AGFG1: variants seen among roughly 807,000 people sequenced by gnomAD.
AGFG1 encodes ArfGAP with FG repeats 1, also known as arf-GAP domain and FG repeat-containing protein 1.
In AGFG1, 10 loss-of-function variants were observed where a neutral mutation model predicts 60.6. That is an observed-to-expected ratio of 0.16 (90% CI 0.10 to 0.28). The LOEUF (loss-of-function observed/expected upper bound fraction) is 0.28, where lower values mean the gene tolerates loss of function less well. Among genes scored for constraint, AGFG1 ranks in the 10% least tolerant of loss-of-function variants. The probability of loss-of-function intolerance (pLI) is 1.00; values close to 1 mark genes in which losing one functional copy is unlikely to be tolerated. For synonymous variants in AGFG1, 247 were observed against 242.9 expected (o/e 1.02, Z -0.16); for missense variants, 537 against 676.5 (o/e 0.79, Z 2.29).
At chr2:227,539,065 C>T (rs546822965) in intron 10 of AGFG1, among the ~76,000 whole-genome samples, 6 of 152,270 alleles carry the variant, frequency 3.9e-5, no homozygotes, top group South Asian at 4.1e-4. Flanking sequence ...AACAATACTT[C>T]GACAGATGCA....
intron 10 of AGFG1, among the ~76,000 whole-genome samples, chr2:227,538,478 A>G (rs1692378549): frequency 6.6e-6 from 1 of 152,240 alleles, no homozygotes; most frequent in Non-Finnish European, 1.5e-5. Flanking sequence ...ATTTATAGAT[A>G]TTATAACTTC....
chr2:227,516,522 C>G (rs1047245420), intron 2 of AGFG1, among the ~76,000 whole-genome samples: 2 of 152,196 alleles, frequency 1.3e-5, no homozygotes, highest in Non-Finnish European at 2.9e-5. Flanking sequence ...GTAGAGGACT[C>G]AAGCAGCTAT....
chr2:227,526,858 T>C (rs1489069611), intron 5 of AGFG1, among the ~76,000 whole-genome samples: 11 of 152,186 alleles, frequency 7.2e-5, no homozygotes, highest in African/African-American at 1.2e-4. Flanking sequence ...AGATACTTTT[T>C]TGATAGAACT....
intron 1 of AGFG1, among the ~76,000 whole-genome samples, chr2:227,475,617 T>C (rs922843197): frequency 3.9e-5 from 6 of 152,202 alleles, no homozygotes; most frequent in African/African-American, 1.4e-4. Flanking sequence ...ATTGAAAGAA[T>C]ATGAATTTTG....
chr2:227,487,010 G>A (rs757012346), intron 1 of AGFG1, among the ~76,000 whole-genome samples: 52 of 152,188 alleles, frequency 3.4e-4, no homozygotes, highest in Non-Finnish European at 6.2e-4. Flanking sequence ...AAGAAGCCTT[G>A]ATTTAGAGAA....
intron 3 of AGFG1, among the ~76,000 whole-genome samples, chr2:227,520,989 C>T (rs1158274959): frequency 1.3e-5 from 2 of 152,216 alleles, no homozygotes; most frequent in Non-Finnish European, 1.5e-5. Context: ...TCTTTACCTT[C>T]ATTCAGGAGC....
At position 227,556,402 on chromosome 2, in the gene AGFG1, A is replaced by G. The variant is rs1415086405; in HGVS notation, c.*1907A>G. On this transcript the variant is annotated 3_prime_UTR_variant, in exon 13 of 13. Coordinates refer to ENST00000310078, the MANE Select transcript of AGFG1 (RefSeq NM_004504.5). ...CTGGGAAATCTCTGCCCCTTTTCTGAGCAGTATGCCTCTTCTTTTAGAATT... is the reference window on the plus strand; with the variant it reads ...CTGGGAAATCTCTGCCCCTTTTCTGGGCAGTATGCCTCTTCTTTTAGAATT... 1 of 152,628 alleles carries G rather than the reference A, an allele frequency of 6.6e-6. No homozygotes were observed. The highest frequency in any genetic ancestry group is 1.5e-5 in the Non-Finnish European group (1 of 68,046). 9.5% of individuals were successfully genotyped at this position (152,628 alleles called of 1,614,324 possible).
At chr2:227,521,706 A>C (rs1259573983) in intron 3 of AGFG1, among the ~76,000 whole-genome samples, 2 of 152,210 alleles carry the variant, frequency 1.3e-5, no homozygotes, top group African/African-American at 2.4e-5. Context: ...GGATTAGTTT[A>C]TGGTCAGCTC....
At chr2:227,511,384 T>A (rs1167137390) in intron 2 of AGFG1, among the ~76,000 whole-genome samples, 1 of 152,182 alleles carries the variant, frequency 6.6e-6, no homozygotes, top group Non-Finnish European at 1.5e-5. Context: ...TTTTAGGCTT[T>A]ATGGGTGCCA....
At chr2:227,475,182 A>C (rs1418560407) in intron 1 of AGFG1, among the ~76,000 whole-genome samples, 2 of 152,248 alleles carry the variant, frequency 1.3e-5, no homozygotes, top group Admixed American at 1.3e-4. Flanking sequence ...GATTGATTTT[A>C]AAGTAAAACT....
chr2:227,519,439 T>G (rs2106204226), intron 2 of AGFG1, among the ~76,000 whole-genome samples: 1 of 152,336 alleles, frequency 6.6e-6, no homozygotes, highest in Non-Finnish European at 1.5e-5. Flanking sequence ...TCTCAGATTC[T>G]CATTTTTTAG....
In AGFG1 at chr2:227,472,348, G is replaced by T. The variant is rs1311251643; in HGVS notation, c.-74G>T. 3.1e-6 allele frequency: 3 copies of T among 968,988 alleles called. No homozygotes were observed. The highest frequency in any genetic ancestry group is 1.9e-4 in the East Asian group (2 of 10,260). 60.0% of individuals were successfully genotyped at this position (968,988 alleles called of 1,614,324 possible). ...GCGGCGGCCGCGGCCAGGGCGGCCCGTGGGACCGCGGGCCCCCGGCGCAGC... is the reference window on the plus strand; with the variant it reads ...GCGGCGGCCGCGGCCAGGGCGGCCCTTGGGACCGCGGGCCCCCGGCGCAGC... On this transcript the variant is annotated 5_prime_UTR_variant, in exon 1 of 13. Coordinates refer to ENST00000310078, the MANE Select transcript of AGFG1 (RefSeq NM_004504.5).
intron 2 of AGFG1, among the ~76,000 whole-genome samples, chr2:227,517,331 T>C (rs1290046810): frequency 2.6e-5 from 4 of 152,180 alleles, no homozygotes; most frequent in African/African-American, 4.8e-5. Flanking sequence ...AGTGGCGCAA[T>C]CTCGGCTCAC....
intron 2 of AGFG1, among the ~76,000 whole-genome samples, chr2:227,518,044 T>C (rs551101591): frequency 2.0e-5 from 3 of 152,300 alleles, no homozygotes; most frequent in South Asian, 4.1e-4. Context: ...TTTAAATGAA[T>C]GGAAATATGC....
chr2:227,529,723 A>G (rs1334394493), intron 5 of AGFG1, among the ~76,000 whole-genome samples: 1 of 152,158 alleles, frequency 6.6e-6, no homozygotes, highest in South Asian at 2.1e-4. Context: ...TTTTTGTCAC[A>G]TTCTATACTG....
rs764835994 is a variant in AGFG1 at position 227,554,524 on chromosome 2, C to T, written c.*29C>T. 6.3e-7 allele frequency: 1 copy of T among 1,575,700 alleles called. No individual in the cohort carries two copies. Among genetic ancestry groups the T allele is most frequent in the South Asian group, 1.1e-5 (1 of 89,110 alleles). ...TATATAGACAATTTACTGGAACGAA[C>T]TTTTATGTGGTCACATTACATCTCT... On this transcript the variant is annotated 3_prime_UTR_variant, in exon 13 of 13. Transcript: ENST00000310078.
At chr2:227,524,698 A>T in intron 4 of AGFG1, 64 bp from the exon 5 acceptor site, 1 of 1,542,028 alleles carries the variant, frequency 6.5e-7, no homozygotes, top group Non-Finnish European at 8.9e-7. Context: ...GTTTGCAGAT[A>T]GTTTTGTATA....
At chr2:227,483,877 G>T (rs1001509063) in intron 1 of AGFG1, among the ~76,000 whole-genome samples, 1 of 151,808 alleles carries the variant, frequency 6.6e-6, no homozygotes, top group Non-Finnish European at 1.5e-5. Flanking sequence ...AAGTTTTTTT[G>T]GTTTTGTTTT....
chr2:227,540,464 C>T (rs958633895), intron 10 of AGFG1, among the ~76,000 whole-genome samples: 4 of 152,090 alleles, frequency 2.6e-5, no homozygotes, highest in South Asian at 4.1e-4. Flanking sequence ...TCTGTCCTTG[C>T]GATAGTTTGC....
Sources: allele counts gnomAD v4.1 joint callset (sites outside exome capture counted in the v4.1 genomes callset), GRCh38; gene constraint gnomAD v4.1.1; transcripts MANE v1.5; gene names NCBI Gene and HGNC (gene_info 2026-07-23, HGNC 2026-07-21).